SLC12A2: variants seen among roughly 807,000 people sequenced by gnomAD.
SLC12A2 encodes the protein solute carrier family 12 member 2, also known as Na-K-2Cl cotransporter 1.
In SLC12A2, 67 loss-of-function variants were observed where a neutral mutation model predicts 136.3. The ratio of observed to expected loss-of-function variants is 0.49; its 90% CI spans 0.40 to 0.60. The LOEUF (loss-of-function observed/expected upper bound fraction) is 0.60, where lower values mean the gene tolerates loss of function less well. Among genes scored for constraint, SLC12A2 ranks in the 20% least tolerant of loss-of-function variants. The pLI, the probability that SLC12A2 is intolerant of heterozygous loss-of-function variation, is 0.00. For missense variants in SLC12A2, 1,322 were observed against 1,534.7 expected (o/e 0.86, Z 2.32); for synonymous variants, 619 against 562.9 (o/e 1.10, Z -1.41).
At chr5:128,101,069 C>T (rs1760724601) in intron 1 of SLC12A2, among the ~76,000 whole-genome samples, 1 of 152,128 alleles carries the variant, frequency 6.6e-6, no homozygotes, top group Admixed American at 6.5e-5. Flanking sequence ...ATTAATACCA[C>T]TGGATATTAA....
rs1286157741 is a variant in SLC12A2 at position 128,168,081 on chromosome 5, T to C, written c.2723+214T>C. 7.7e-6 allele frequency: 3 copies of C among 390,800 alleles called. No individual in the cohort carries two copies. The Admixed American group carries it at 1.3e-4, about 17-fold the overall frequency. 24.2% of individuals were successfully genotyped at this position (390,800 alleles called of 1,614,324 possible). A position where few individuals can be genotyped will look rare whatever the true frequency, so the allele number is the denominator to read the frequency against. ...GTCTCTTTACATACATGCATATATA[T>C]ATATATACACACACACACACATATA... On this transcript the variant is annotated intron_variant, in intron 18 of 26. Transcript: ENST00000262461.
chr5:128,146,587 C>T (rs1762532536), intron 10 of SLC12A2, among the ~76,000 whole-genome samples: 1 of 150,482 alleles, frequency 6.6e-6, no homozygotes, highest in African/African-American at 2.4e-5. Flanking sequence ...AACATGTACA[C>T]AGAGAAAGCA....
chr5:128,097,331 A>G (rs1760581559), intron 1 of SLC12A2, among the ~76,000 whole-genome samples: 1 of 152,112 alleles, frequency 6.6e-6, no homozygotes, highest in South Asian at 2.1e-4. Context: ...AGCATTAAGT[A>G]ACATTAGTAA....
At chr5:128,096,687 T>C (rs1760550512) in intron 1 of SLC12A2, among the ~76,000 whole-genome samples, 1 of 152,068 alleles carries the variant, frequency 6.6e-6, no homozygotes, top group African/African-American at 2.4e-5. Context: ...CCTATAAATT[T>C]CTAGAGATTT....
chr5:128,098,354 C>G (rs1428215433), intron 1 of SLC12A2, among the ~76,000 whole-genome samples: 1 of 152,006 alleles, frequency 6.6e-6, no homozygotes, highest in Non-Finnish European at 1.5e-5. Context: ...GATTCCATCT[C>G]TGTTACTCAT....
rs1221638323 is a variant in SLC12A2 at position 128,131,135 on chromosome 5, G to A, written c.1117G>A (p.Ala373Thr). ...TGGTGGTGCAATTGGTCTAATCTTC[G>A]CCTTTGCCAACGCTGTTGCAGTTGC... Reference protein sequence around the residue: ...EFGGAIGLIFAFANAVAVAMY... With the variant: ...EFGGAIGLIFTFANAVAVAMY... The change falls in exon 5 of 27, where the codon GCC becomes ACC. Residue 373 changes from alanine to threonine, a missense_variant. Physicochemically the swap from Ala to Thr is moderately conservative, Grantham distance 58 (BLOSUM62 0). This residue lies in a region of SLC12A2 where 71 missense variants were observed against 131.0 expected (regional missense o/e 0.54). Coordinates refer to ENST00000262461, the MANE Select transcript of SLC12A2 (RefSeq NM_001046.3). 3.1e-6 allele frequency: 5 copies of A among 1,613,918 alleles called. No homozygotes were observed. Among genetic ancestry groups the A allele is most frequent in the Non-Finnish European group, 3.4e-6 (4 of 1,179,992 alleles).
At chr5:128,134,880 A>C (rs1454626573) in intron 6 of SLC12A2, among the ~76,000 whole-genome samples, 2 of 152,110 alleles carry the variant, frequency 1.3e-5, no homozygotes, top group Non-Finnish European at 2.9e-5. Flanking sequence ...AAAGTCACAT[A>C]TTTGTGCTAT....
At chr5:128,127,620 A>G (rs563395486) in intron 4 of SLC12A2, among the ~76,000 whole-genome samples, 13 of 151,138 alleles carry the variant, frequency 8.6e-5, no homozygotes, top group African/African-American at 2.7e-4. Flanking sequence ...CTGTCATACT[A>G]TAGGGTTACT....
intron 1 of SLC12A2, among the ~76,000 whole-genome samples, chr5:128,106,520 C>A (rs1408472306): frequency 6.6e-6 from 1 of 151,988 alleles, no homozygotes; most frequent in Non-Finnish European, 1.5e-5. Flanking sequence ...ATATTTAAGT[C>A]TACTAATTGA....
intron 1 of SLC12A2, chr5:128,110,110 G>A (rs2126666216): frequency 4.3e-6 from 4 of 938,442 alleles, no homozygotes; most frequent in Non-Finnish European, 7.1e-6. Context: ...GAACATGTAG[G>A]TTTTAGAATT....
rs1760883641 is a variant in SLC12A2 at position 128,105,049 on chromosome 5, C to T, written c.757-7765C>T. The stretch of plus-strand genomic sequence containing the variant: ...TTTGGAAAATGGTTAAGTGTTTTCA[C>T]TGAAACCATCAGGAATTTAAAACTA... On this transcript the variant is annotated intron_variant, in intron 1 of 26. Coordinates refer to ENST00000262461, the MANE Select transcript of SLC12A2 (RefSeq NM_001046.3). Among the ~76,000 whole-genome samples the T allele has an allele frequency of 2.6e-5, 4 of 152,168 alleles. No homozygotes were observed. In the South Asian group the frequency reaches 8.3e-4, roughly 32 times the overall value.
At chr5:128,098,602 T>C (rs1760630330) in intron 1 of SLC12A2, among the ~76,000 whole-genome samples, 1 of 152,078 alleles carries the variant, frequency 6.6e-6, no homozygotes, top group Admixed American at 6.6e-5. Context: ...GGGTTGGTTT[T>C]TAAAAATATT....
intron 4 of SLC12A2, 102 bp downstream of exon 4, chr5:128,114,783 T>A (rs1485215133): frequency 2.7e-6 from 2 of 737,876 alleles, no homozygotes; most frequent in Non-Finnish European, 4.5e-6. Context: ...AAGCAACATA[T>A]TAAGTCTATA....
intron 1 of SLC12A2, among the ~76,000 whole-genome samples, chr5:128,106,246 A>T (rs1435757916): frequency 6.6e-6 from 1 of 152,188 alleles, no homozygotes; most frequent in Non-Finnish European, 1.5e-5. Flanking sequence ...AAAACCAAAA[A>T]TCTATCATTT....
chr5:128,171,807 T>C, intron 19 of SLC12A2, 61 bp downstream of exon 19: 1 of 991,636 alleles, frequency 1.0e-6, no homozygotes, highest in Non-Finnish European at 1.5e-6. Flanking sequence ...TGTTAGAAAA[T>C]TATATTCTCA....
Position 128,187,098 on chromosome 5 carries a change from A to G in SLC12A2, c.*467A>G, listed in dbSNP as rs1763893111. On this transcript the variant is annotated 3_prime_UTR_variant, in exon 27 of 27. Coordinates refer to ENST00000262461, the MANE Select transcript of SLC12A2 (RefSeq NM_001046.3). ...AAATGAACACTGCTTGTCTTCTTCC[A>G]TTGACCATTTAGTGTTGAGTACTGT... The G allele has an allele frequency of 6.4e-6, 1 of 156,822 alleles. No individual in the cohort carries two copies. Among genetic ancestry groups the G allele is most frequent in the South Asian group, 1.9e-4 (1 of 5,240 alleles). The allele number at this position is 156,822 out of a possible 1,614,324, so 9.7% of individuals were successfully genotyped here. A position where few individuals can be genotyped will look rare whatever the true frequency, so the allele number is the denominator to read the frequency against.
intron 5 of SLC12A2, among the ~76,000 whole-genome samples, chr5:128,133,539 AAC>A (rs766853538): frequency 1.3e-5 from 2 of 152,102 alleles, no homozygotes; most frequent in Admixed American, 1.3e-4. Flanking sequence ...GAGTTATCAA[AAC>A]AACTAAATTA....
At chr5:128,108,732 T>C (rs759373493) in intron 1 of SLC12A2, among the ~76,000 whole-genome samples, 2 of 152,244 alleles carry the variant, frequency 1.3e-5, no homozygotes, top group Non-Finnish European at 2.9e-5. Flanking sequence ...ACTTTGTAGA[T>C]ATACGAAAAA....
rs979325485 is a variant in SLC12A2, at chr5:128,186,713, A to G, written c.*82A>G. 2 of 1,361,990 alleles carry G rather than the reference A, an allele frequency of 1.5e-6. No homozygotes were observed. The highest frequency in any genetic ancestry group is 2.0e-6 in the Non-Finnish European group (2 of 978,482). 84.4% of individuals were successfully genotyped at this position (1,361,990 alleles called of 1,614,324 possible). ...CTGAAATCTTCAATGACACATTAAC[A>G]TCACAATGGCGAATGGTGACTTTTC... is the stretch of plus-strand genomic sequence containing the variant. On this transcript the variant is annotated 3_prime_UTR_variant, in exon 27 of 27. Transcript: ENST00000262461.
Sources: allele counts gnomAD v4.1 joint callset (sites outside exome capture counted in the v4.1 genomes callset), GRCh38; gene constraint gnomAD v4.1.1; regional missense constraint gnomAD v4.1.1; transcripts MANE v1.5; gene names NCBI Gene and HGNC (gene_info 2026-07-23, HGNC 2026-07-21).